Variants in PDZD2 observed in about 807,000 individuals in gnomAD.
PDZD2 encodes the protein PDZ domain-containing protein 2.
Under a neutral mutation model 220.7 loss-of-function variants are expected in PDZD2, and 90 were observed. The ratio of observed to expected loss-of-function variants is 0.41; its 90% CI spans 0.34 to 0.49. PDZD2 has a LOEUF of 0.49. Among genes scored for constraint, PDZD2 ranks in the 20% least tolerant of loss-of-function variants. The probability of loss-of-function intolerance (pLI) is 0.28; values close to 1 mark genes in which losing one functional copy is unlikely to be tolerated. For missense variants in PDZD2, 3,174 were observed against 3,608.5 expected (o/e 0.88, Z 3.08); for synonymous variants, 1,375 against 1,450.5 (o/e 0.95, Z 1.18).
rs187323279 is a variant in PDZD2, at chr5:31,835,573, C to T, written c.476+35849C>T. Among the ~76,000 whole-genome samples, 1,128 of 151,014 alleles carry T rather than the reference C, an allele frequency of 7.5e-3. 10 individuals carry two copies. The highest frequency in any genetic ancestry group is 0.026 in the African/African-American group (1,079 of 41,158). On this transcript the variant is annotated intron_variant, in intron 2 of 24. Coordinates refer to ENST00000438447, the MANE Select transcript of PDZD2 (RefSeq NM_178140.4). ...CAGAGATTGCAGTGAGCCAAGATCG[C>T]GCCACTGCACTCCAGCCTGGGCAAC...
At chr5:31,824,576 T>C (rs1025387984) in intron 2 of PDZD2, among the ~76,000 whole-genome samples, 22 of 152,158 alleles carry the variant, frequency 1.4e-4, no homozygotes, top group African/African-American at 5.3e-4. Flanking sequence ...TCAGCCTGCC[T>C]TGATCCTTTT....
chr5:32,003,122 G>A (rs1158794256), intron 5 of PDZD2, among the ~76,000 whole-genome samples: 128 of 8,570 alleles, frequency 0.015, 1 homozygote, highest in African/African-American at 0.026. Context: ...CACACCACGC[G>A]CCACACACAC....
At chr5:31,685,128 A>G (rs986523661) in intron 1 of PDZD2, among the ~76,000 whole-genome samples, 2 of 152,116 alleles carry the variant, frequency 1.3e-5, no homozygotes, top group African/African-American at 4.8e-5. Context: ...ATAAGTTTCA[A>G]TGCTTGTAAG....
intron 1 of PDZD2, among the ~76,000 whole-genome samples, chr5:31,651,779 C>T (rs1745359067): frequency 6.6e-6 from 1 of 151,884 alleles, no homozygotes; most frequent in African/African-American, 2.4e-5. Context: ...CTATAGTATG[C>T]ACCACCATGC....
chr5:32,007,837 G>A (rs1752955165), intron 5 of PDZD2, among the ~76,000 whole-genome samples: 1 of 152,194 alleles, frequency 6.6e-6, no homozygotes, highest in South Asian at 2.1e-4. Flanking sequence ...TGGCCCTCAT[G>A]TGCTGCGGCA....
In PDZD2 at chr5:32,000,119, T is replaced by C. The variant is rs1331192355; in HGVS notation, c.1122-20T>C. ...AGAATGTCTTGACAAGGGATCTTTT[T>C]CCCATCTCCCTTTCCTCAGGGATGG... On this transcript the variant is annotated intron_variant, in intron 4 of 24. Transcript: ENST00000438447. The surrounding 1 kb of genome is among the most constrained non-coding windows in gnomAD (Gnocchi z 4.5). 1 of 1,612,776 alleles carries C rather than the reference T, an allele frequency of 6.2e-7. No homozygotes were observed. Among genetic ancestry groups the C allele is most frequent in the East Asian group, 2.2e-5 (1 of 44,866 alleles).
chr5:31,749,758 G>A (rs1488483517), intron 1 of PDZD2, among the ~76,000 whole-genome samples: 1 of 152,132 alleles, frequency 6.6e-6, no homozygotes, highest in Admixed American at 6.5e-5. Flanking sequence ...CCTTCCTGGT[G>A]CTCAGCTGCA....
chr5:31,688,793 C>G (rs1215255053), intron 1 of PDZD2, among the ~76,000 whole-genome samples: 1 of 152,154 alleles, frequency 6.6e-6, no homozygotes, highest in Non-Finnish European at 1.5e-5. Flanking sequence ...AATATTTGCT[C>G]TGCTTGAGAG....
chr5:31,807,098 C>A (rs879490016), intron 2 of PDZD2, among the ~76,000 whole-genome samples: 2 of 152,000 alleles, frequency 1.3e-5, no homozygotes, highest in African/African-American at 2.4e-5. Flanking sequence ...TTATGCCTGG[C>A]TAATTTTTTG....
chr5:32,058,628 C>A (rs1028786715), intron 12 of PDZD2, among the ~76,000 whole-genome samples: 1 of 144,818 alleles, frequency 6.9e-6, no homozygotes, highest in Non-Finnish European at 1.5e-5. Context: ...GAGCCGAGAT[C>A]GTGCCACTGC....
At position 31,955,670 on chromosome 5, in the gene PDZD2, T is replaced by C. The variant is rs142073908; in HGVS notation, c.477-27485T>C. On this transcript the variant is annotated intron_variant, in intron 2 of 24. Coordinates refer to ENST00000438447, the MANE Select transcript of PDZD2 (RefSeq NM_178140.4). ...TTATGATTTTCTTCCTTCTGCTAAC[T>C]TTGGGCTCTGTTCTTTTTTTTTTTT... Among the ~76,000 whole-genome samples the C allele has an allele frequency of 3.5e-3, 526 of 149,644 alleles. 3 individuals carry two copies. The highest frequency in any genetic ancestry group is 0.012 in the African/African-American group (499 of 41,074).
rs1360761860 is a variant in PDZD2 at position 32,110,877 on chromosome 5, T to G, written c.*2742T>G. 1 of 152,370 alleles carries G rather than the reference T, an allele frequency of 6.6e-6. No individual in the cohort carries two copies. Among genetic ancestry groups the G allele is most frequent in the Non-Finnish European group, 1.5e-5 (1 of 68,040 alleles). The allele number at this position is 152,370 out of a possible 1,614,324, so 9.4% of individuals were successfully genotyped here. On this transcript the variant is annotated 3_prime_UTR_variant, in exon 25 of 25. Coordinates refer to ENST00000438447, the MANE Select transcript of PDZD2 (RefSeq NM_178140.4). ...CAAGTTATATAAATCCACATCTCTGTAAACAACCTTTTTTAAGTAATTTTA... is the reference window on the plus strand; with the variant it reads ...CAAGTTATATAAATCCACATCTCTGGAAACAACCTTTTTTAAGTAATTTTA...
chr5:31,871,562 T>A (rs989989378), intron 2 of PDZD2, among the ~76,000 whole-genome samples: 8 of 152,042 alleles, frequency 5.3e-5, no homozygotes, highest in African/African-American at 1.9e-4. Flanking sequence ...GTGATTCTCC[T>A]GCCTCAGCCT....
chr5:31,996,257 C>A (rs1351939952), intron 4 of PDZD2, among the ~76,000 whole-genome samples: 1 of 152,092 alleles, frequency 6.6e-6, no homozygotes, highest in Non-Finnish European at 1.5e-5. Context: ...TTTCTCCTTG[C>A]GATCTGAAAA....
chr5:32,059,288 C>A lies in PDZD2; in HGVS notation c.2250C>A (p.Asn750Lys). The change falls in exon 13 of 25, where the codon AAC (asparagine) becomes AAA (lysine). Residue 750 changes from asparagine to lysine, a missense_variant. This residue lies in a region of PDZD2 where 1,861 missense variants were observed against 2,001.0 expected (regional missense o/e 0.93). Coordinates refer to ENST00000438447, the MANE Select transcript of PDZD2 (RefSeq NM_178140.4). ...GIGACCLALE[N>K]SPPGIYIHSL... ...GTGCCTGCTGCTTGGCTCTGGAAAA[C>A]AGTCCTCCTGGCATCTACATTCACA... The A allele has an allele frequency of 3.7e-6, 6 of 1,613,702 alleles. No homozygotes were observed. Among genetic ancestry groups the A allele is most frequent in the Non-Finnish European group, 5.1e-6 (6 of 1,179,600 alleles).
intron 19 of PDZD2, chr5:32,077,967 A>G (rs1454519009): frequency 1.6e-5 from 3 of 190,890 alleles, no homozygotes; most frequent in Admixed American, 5.6e-5. Flanking sequence ...AAAAAAAAAG[A>G]AAAAAGAAAG....
chr5:31,875,596 AAAT>A (rs1561532622), intron 2 of PDZD2, among the ~76,000 whole-genome samples: 1 of 128,156 alleles, frequency 7.8e-6, no homozygotes, highest in African/African-American at 3.1e-5. Context: ...AAAAAAAAAA[AAAT>A]ATATATATAT....
At chr5:31,789,348 A>G (rs113516289) in intron 1 of PDZD2, among the ~76,000 whole-genome samples, 20 of 152,348 alleles carry the variant, frequency 1.3e-4, no homozygotes, top group African/African-American at 4.8e-4. Flanking sequence ...CCTCGAACAT[A>G]GGTGGGTTTC....
intron 2 of PDZD2, among the ~76,000 whole-genome samples, chr5:31,917,967 G>T (rs1359669488): frequency 1.3e-5 from 2 of 152,124 alleles, no homozygotes; most frequent in Non-Finnish European, 2.9e-5. Flanking sequence ...TCAAACTCGT[G>T]ACCTCAGGTG....
Sources: allele counts gnomAD v4.1 joint callset (sites outside exome capture counted in the v4.1 genomes callset), GRCh38; gene constraint gnomAD v4.1.1; regional missense constraint gnomAD v4.1.1; non-coding constraint Gnocchi (gnomAD v3.1); transcripts MANE v1.5; gene names NCBI Gene and HGNC (gene_info 2026-07-23, HGNC 2026-07-21).